The following RABGAP1L variants were observed in gnomAD, a reference collection of about 807,000 sequenced individuals.
The protein encoded by RABGAP1L is RAB GTPase activating protein 1 like.
In RABGAP1L, 63 loss-of-function variants were observed where a neutral mutation model predicts 137.7. That is an observed-to-expected ratio of 0.46 (90% CI 0.37 to 0.56). The LOEUF (loss-of-function observed/expected upper bound fraction) is 0.56, where lower values mean the gene tolerates loss of function less well. RABGAP1L is among the 20% of genes least tolerant of loss of function. RABGAP1L has a pLI of 0.00. For missense variants in RABGAP1L, 1,095 were observed against 1,244.0 expected (o/e 0.88, Z 1.80); for synonymous variants, 431 against 433.7 (o/e 0.99, Z 0.08).
rs185936975 is a variant in RABGAP1L at position 174,222,410 on chromosome 1, T to G, written c.331+1246T>G. Among the ~76,000 whole-genome samples the G allele has an allele frequency of 1.2e-3, 190 of 152,336 alleles. 2 individuals carry two copies. Among genetic ancestry groups the G allele is most frequent in the African/African-American group, 4.4e-3 (183 of 41,584 alleles). Reference sequence around the variant, plus strand: ...GGCTGTGATGCATTTATGTAGGGAATGTAATCACAGTGCCTTCCATGGCAA... The same window carrying G: ...GGCTGTGATGCATTTATGTAGGGAAGGTAATCACAGTGCCTTCCATGGCAA... On this transcript the variant is annotated intron_variant, in intron 3 of 25. Coordinates refer to ENST00000681986, the MANE Select transcript of RABGAP1L (RefSeq NM_001366446.1).
rs181982770 is a variant in RABGAP1L, at chr1:174,249,756, C to T, written c.718-719C>T. On this transcript the variant is annotated intron_variant, in intron 5 of 25. Transcript: ENST00000681986. ...CTGCCAGGTTCAAGCAATTCTCCTG[C>T]TTCAGCCTCCCGAGTAGCTAGGATT... 1.3e-4 allele frequency among the ~76,000 whole-genome samples: 20 copies of T among 152,010 alleles called. No homozygotes were observed. The East Asian group carries it at 3.7e-3, about 28-fold the overall frequency.
chr1:174,510,293 A>C (rs1399626932), intron 13 of RABGAP1L, among the ~76,000 whole-genome samples: 2 of 152,176 alleles, frequency 1.3e-5, no homozygotes, highest in Admixed American at 1.3e-4. Flanking sequence ...TCATGAGGGC[A>C]ATGATTTTCT....
chr1:174,264,698 A>G (rs1673899135), intron 7 of RABGAP1L, among the ~76,000 whole-genome samples: 1 of 152,110 alleles, frequency 6.6e-6, no homozygotes, highest in South Asian at 2.1e-4. Flanking sequence ...CTCTCACTCT[A>G]CATCTAATTC....
At chr1:174,266,655 T>C (rs1359197254) in intron 7 of RABGAP1L, among the ~76,000 whole-genome samples, 1 of 152,224 alleles carries the variant, frequency 6.6e-6, no homozygotes, top group African/African-American at 2.4e-5. Flanking sequence ...ATGTCGCTTC[T>C]TCCAAAGTCT....
At chr1:174,356,336 C>T (rs1354249067) in intron 11 of RABGAP1L, among the ~76,000 whole-genome samples, 1 of 151,946 alleles carries the variant, frequency 6.6e-6, no homozygotes, top group African/African-American at 2.4e-5. Flanking sequence ...TGAATACCTT[C>T]AATCACAACA....
intron 13 of RABGAP1L, among the ~76,000 whole-genome samples, chr1:174,565,865 C>T (rs1250527996): frequency 1.3e-5 from 2 of 150,450 alleles, no homozygotes; most frequent in African/African-American, 2.4e-5. Flanking sequence ...GTGATACTTA[C>T]AGTTGGTGAA....
At chr1:174,616,589 A>G (rs2148244313) in intron 13 of RABGAP1L, among the ~76,000 whole-genome samples, 1 of 152,338 alleles carries the variant, frequency 6.6e-6, no homozygotes, top group Admixed American at 6.5e-5. Flanking sequence ...TAGCAGAGTG[A>G]AAGCCTAGAG....
intron 13 of RABGAP1L, among the ~76,000 whole-genome samples, chr1:174,456,115 A>G (rs1656015411): frequency 6.6e-6 from 1 of 152,104 alleles, no homozygotes; most frequent in Admixed American, 6.5e-5. Context: ...CATAGGAAAA[A>G]TTATTTTAAA....
chr1:174,741,855 CAAAA>C (rs775821774), intron 17 of RABGAP1L, among the ~76,000 whole-genome samples: 2 of 41,896 alleles, frequency 4.8e-5, no homozygotes, highest in African/African-American at 2.2e-4. Context: ...CCTATTTCTA[CAAAA>C]AAAAAAAAAA....
chr1:174,281,970 A>G (rs914343240), intron 10 of RABGAP1L, among the ~76,000 whole-genome samples: 3 of 152,168 alleles, frequency 2.0e-5, no homozygotes, highest in Admixed American at 6.5e-5. Context: ...TCATGTAACA[A>G]TGCCTTTGAG....
At chr1:174,427,776 A>G (rs1456931249) in intron 13 of RABGAP1L, among the ~76,000 whole-genome samples, 1 of 152,212 alleles carries the variant, frequency 6.6e-6, no homozygotes, top group Non-Finnish European at 1.5e-5. Flanking sequence ...TTGATGTTCA[A>G]CAGGAAAGGG....
chr1:174,172,804 A>G (rs1220475477), intron 1 of RABGAP1L, among the ~76,000 whole-genome samples: 3 of 152,090 alleles, frequency 2.0e-5, no homozygotes, highest in Non-Finnish European at 4.4e-5. Context: ...CCCAGTCCAT[A>G]GGCTGCCTTT....
chr1:174,742,439 C>G (rs554479270), intron 17 of RABGAP1L, among the ~76,000 whole-genome samples: 1 of 152,200 alleles, frequency 6.6e-6, no homozygotes, highest in Admixed American at 6.5e-5. Context: ...TTTGCTTAAG[C>G]CCAGGAGGCG....
chr1:174,753,496 T>A (rs1684495181), intron 18 of RABGAP1L, among the ~76,000 whole-genome samples: 1 of 152,206 alleles, frequency 6.6e-6, no homozygotes, highest in Admixed American at 6.5e-5. Flanking sequence ...ACACATTTGC[T>A]CTTTGTGAAG....
intron 13 of RABGAP1L, among the ~76,000 whole-genome samples, chr1:174,404,311 G>A (rs10912779): frequency 0.35 from 53,498 of 151,934 alleles, 12,075 homozygotes; most frequent in African/African-American, 0.64. Context: ...AGGGCATGTA[G>A]TATAGGGAGT....
In RABGAP1L at chr1:174,978,148, A is replaced by G. The variant is rs1191975909; in HGVS notation, c.2650-659A>G. On this transcript the variant is annotated intron_variant, in intron 22 of 25. Coordinates refer to ENST00000681986, the MANE Select transcript of RABGAP1L (RefSeq NM_001366446.1). ...ATCACCTTAATTTTCCCCTATACCT[A>G]GAATTCTAGAGCTGCTGGGCCACAA... Among the ~76,000 whole-genome samples the G allele has an allele frequency of 3.9e-5, 6 of 152,132 alleles. 1 individual carries two copies. The highest frequency in any genetic ancestry group is 2.9e-5 in the Non-Finnish European group (2 of 68,022).
intron 13 of RABGAP1L, among the ~76,000 whole-genome samples, chr1:174,569,232 T>C (rs1397270119): frequency 6.6e-6 from 1 of 152,184 alleles, no homozygotes; most frequent in Non-Finnish European, 1.5e-5. Context: ...TATGACTGTG[T>C]TGTGCACCCC....
At chr1:174,762,980 A>G (rs1401390181) in intron 18 of RABGAP1L, among the ~76,000 whole-genome samples, 2 of 151,658 alleles carry the variant, frequency 1.3e-5, no homozygotes, top group Non-Finnish European at 2.9e-5. Context: ...ACACCTGGCT[A>G]ATTTTTGTAT....
intron 13 of RABGAP1L, among the ~76,000 whole-genome samples, chr1:174,407,299 A>G (rs1277306355): frequency 6.9e-6 from 1 of 144,516 alleles, no homozygotes; most frequent in African/African-American, 2.7e-5. Flanking sequence ...GTGTCTCTTT[A>G]TGTTTTTTTT....
Sources: gnomAD v4.1 joint callset for allele counts (sites outside exome capture counted in the v4.1 genomes callset) on GRCh38, gnomAD v4.1.1 for gene constraint, MANE v1.5 for transcripts, NCBI Gene and HGNC (gene_info 2026-07-23, HGNC 2026-07-21) for gene names.